ADK: variants seen among roughly 807,000 people sequenced by gnomAD.
ADK encodes the protein N6,N6-dimethyladenosine kinase.
A neutral mutation model predicts 44.7 loss-of-function variants in ADK; 24 were observed. The observed-to-expected ratio is 0.54, with a 90% CI of 0.39 to 0.76. ADK has a LOEUF of 0.76. Ranked by LOEUF, ADK falls within the 30% of genes least tolerant of loss-of-function variation. ADK has a pLI of 0.00. For synonymous variants in ADK, 128 were observed against 142.6 expected, an observed-to-expected ratio of 0.90 and a Z score of 0.73; for missense variants, 321 against 425.1, an observed-to-expected ratio of 0.76 and a Z score of 2.15.
At chr10:74,625,189 G>C (rs1554889449) in intron 9 of ADK, among the ~76,000 whole-genome samples, 1 of 152,080 alleles carries the variant, frequency 6.6e-6, no homozygotes, top group Non-Finnish European at 1.5e-5. Flanking sequence ...AATTTTTATA[G>C]AACAAATGGA....
At chr10:74,357,901 G>A (rs535561365) in intron 4 of ADK, among the ~76,000 whole-genome samples, 1 of 152,246 alleles carries the variant, frequency 6.6e-6, no homozygotes, top group African/African-American at 2.4e-5. Context: ...TATTTGAACA[G>A]AGTTTGTGTA....
chr10:74,606,357 C>T (rs187342919), intron 9 of ADK, among the ~76,000 whole-genome samples: 34 of 152,178 alleles, frequency 2.2e-4, no homozygotes, highest in East Asian at 5.8e-4. Context: ...AGATCTTTCC[C>T]GCTTTCTCCT....
chr10:74,382,597 C>G (rs1056090229), intron 4 of ADK, among the ~76,000 whole-genome samples: 1 of 151,988 alleles, frequency 6.6e-6, no homozygotes, highest in Non-Finnish European at 1.5e-5. Context: ...GAGATAAATC[C>G]ATGCTATTTT....
At chr10:74,467,981 C>G (rs1334222273) in intron 6 of ADK, among the ~76,000 whole-genome samples, 1 of 152,150 alleles carries the variant, frequency 6.6e-6, no homozygotes, top group Non-Finnish European at 1.5e-5. Flanking sequence ...CATTAGTTCT[C>G]ACTACACTGT....
intron 1 of ADK, among the ~76,000 whole-genome samples, chr10:74,171,071 A>G (rs1382106777): frequency 6.6e-6 from 1 of 151,978 alleles, no homozygotes; most frequent in Admixed American, 6.6e-5. Context: ...ACATTATATC[A>G]TGAGCATTTT....
intron 7 of ADK, among the ~76,000 whole-genome samples, chr10:74,537,460 T>A (rs1352631522): frequency 6.6e-6 from 1 of 152,224 alleles, no homozygotes; most frequent in African/African-American, 2.4e-5. Flanking sequence ...AGCAGCTTAA[T>A]AAAGGACATT....
At chr10:74,369,620 G>A (rs1842596918) in intron 4 of ADK, among the ~76,000 whole-genome samples, 1 of 152,094 alleles carries the variant, frequency 6.6e-6, no homozygotes, top group Admixed American at 6.6e-5. Context: ...TCCTGAAACT[G>A]GTGATAGAGA....
chr10:74,413,694 T>G (rs1334992542), intron 6 of ADK, among the ~76,000 whole-genome samples: 3 of 152,250 alleles, frequency 2.0e-5, no homozygotes, highest in Non-Finnish European at 2.9e-5. Flanking sequence ...GGAGTAGCAC[T>G]TTTAATTTTC....
At chr10:74,619,063 A>G (rs1852884192) in intron 9 of ADK, among the ~76,000 whole-genome samples, 1 of 116,008 alleles carries the variant, frequency 8.6e-6, no homozygotes. Context: ...TGTGTGTTTT[A>G]CCCCTTTTCC....
At chr10:74,432,932 T>C (rs1845050029) in intron 6 of ADK, among the ~76,000 whole-genome samples, 1 of 152,176 alleles carries the variant, frequency 6.6e-6, no homozygotes, top group Non-Finnish European at 1.5e-5. Flanking sequence ...TGGAACCTTT[T>C]TGCTTCATGA....
At chr10:74,504,704 T>C (rs1847989147) in intron 6 of ADK, among the ~76,000 whole-genome samples, 2 of 152,120 alleles carry the variant, frequency 1.3e-5, no homozygotes, top group South Asian at 4.1e-4. Context: ...CATTAGATCA[T>C]GGGGGCCATT....
chr10:74,176,835 G>T, intron 1 of ADK: 1 of 1,605,826 alleles, frequency 6.2e-7, no homozygotes. Flanking sequence ...TAGAGCATCG[G>T]ACGCGGGCGC....
chr10:74,173,525 G>A (rs550623791), intron 1 of ADK, among the ~76,000 whole-genome samples: 5 of 151,492 alleles, frequency 3.3e-5, no homozygotes, highest in African/African-American at 9.7e-5. Context: ...CTGCCTCCCA[G>A]GTTCAAGTGA....
chr10:74,151,884 A>G (rs1841604851), intron 1 of ADK, among the ~76,000 whole-genome samples: 1 of 152,208 alleles, frequency 6.6e-6, no homozygotes, highest in Non-Finnish European at 1.5e-5. Context: ...CAGGGGCAGC[A>G]TTTGGATGAA....
chr10:74,388,720 A>T (rs1843235879), intron 4 of ADK, among the ~76,000 whole-genome samples: 1 of 152,150 alleles, frequency 6.6e-6, no homozygotes, highest in Non-Finnish European at 1.5e-5. Context: ...TGAGACCTTG[A>T]TTGACTTACT....
At chr10:74,574,396 C>G (rs1275224403) in intron 7 of ADK, among the ~76,000 whole-genome samples, 3 of 152,056 alleles carry the variant, frequency 2.0e-5, no homozygotes, top group Admixed American at 2.0e-4. Context: ...GTCTCGCTCT[C>G]TTGACCTCGT....
At chr10:74,500,817 A>T (rs1847863259) in intron 6 of ADK, among the ~76,000 whole-genome samples, 1 of 152,194 alleles carries the variant, frequency 6.6e-6, no homozygotes, top group Non-Finnish European at 1.5e-5. Context: ...ATGGATAGAT[A>T]TTAATCCTGC....
intron 3 of ADK, among the ~76,000 whole-genome samples, chr10:74,311,493 T>A (rs1028589270): frequency 1.5e-4 from 23 of 152,174 alleles, no homozygotes; most frequent in African/African-American, 5.5e-4. Context: ...TTCTTTATAT[T>A]ATGCTAGAGC....
chr10:74,690,527 C>T (rs1230941505), intron 10 of ADK, among the ~76,000 whole-genome samples: 1 of 152,210 alleles, frequency 6.6e-6, no homozygotes, highest in Admixed American at 6.5e-5. Flanking sequence ...ATACAAGATC[C>T]TTGACGATAT....
Sources: gnomAD v4.1 joint callset for allele counts (sites outside exome capture counted in the v4.1 genomes callset) on GRCh38, gnomAD v4.1.1 for gene constraint, MANE v1.5 for transcripts, NCBI Gene and HGNC (gene_info 2026-07-23, HGNC 2026-07-21) for gene names.